Variants in CPA4 observed in about 807,000 individuals in gnomAD.
CPA4 encodes carboxypeptidase A4.
CPA4 carries 49 observed loss-of-function variants against 54.7 expected under a neutral mutation model. That is an observed-to-expected ratio of 0.90 (90% CI 0.71 to 1.14). The LOEUF is 1.14. Ranked by LOEUF, CPA4 falls within the 50% of genes most tolerant of loss-of-function variation. The pLI is 0.00. For synonymous variants in CPA4, 215 were observed against 206.8 expected (o/e 1.04, Z -0.34); for missense variants, 487 against 525.1 (o/e 0.93, Z 0.71).
chr7:130,297,505 C>T lies in CPA4; in HGVS notation c.69-1241C>T, dbSNP rs536384359. ...GTTGGGAGAAAGGGAACCTTCAGCA[C>T]TGTCATCTCCTCCAGACCAGCCACC... On this transcript the variant is annotated intron_variant, in intron 1 of 10. Coordinates refer to ENST00000222482, the MANE Select transcript of CPA4 (RefSeq NM_016352.4). Among the ~76,000 whole-genome samples, 164 of 152,302 alleles carry T rather than the reference C, an allele frequency of 1.1e-3. 1 individual carries two copies. The highest frequency in any genetic ancestry group is 3.4e-3 in the Middle Eastern group (1 of 294).
At chr7:130,315,976 T>C (rs1793981707) in intron 10 of CPA4, among the ~76,000 whole-genome samples, 1 of 152,174 alleles carries the variant, frequency 6.6e-6, no homozygotes, top group Non-Finnish European at 1.5e-5. Flanking sequence ...TTTTCAGGGT[T>C]AGGTGGGACT....
rs113429840 is a variant in CPA4 at position 130,317,599 on chromosome 7, T to A, written c.1079-4890T>A. 5.7e-3 allele frequency among the ~76,000 whole-genome samples: 862 copies of A among 152,258 alleles called. 8 individuals carry two copies. Among genetic ancestry groups the A allele is most frequent in the African/African-American group, 0.02 (821 of 41,546 alleles). On this transcript the variant is annotated intron_variant, in intron 10 of 10. Transcript: ENST00000222482. Reference sequence around the variant, plus strand: ...CCACTTCAGCCTCCTGAGTAGCTGGTAGTACAGGCATACACCAACATGCCC... The same window carrying A: ...CCACTTCAGCCTCCTGAGTAGCTGGAAGTACAGGCATACACCAACATGCCC...
chr7:130,323,915 GTGTGTGTGTGTGTGTGTGTGTT>G lies in CPA4; in HGVS notation c.*1253_*1274del, dbSNP rs1477431828. The G allele has an allele frequency of 1.3e-5, 2 of 152,352 alleles. No homozygotes were observed. The highest frequency in any genetic ancestry group is 2.9e-5 in the Non-Finnish European group (2 of 68,588). The allele number at this position is 152,352 out of a possible 1,614,324, so 9.4% of individuals were successfully genotyped here. ...CTGGTTTGTGTGTGTGTGTGTGTGT[GTGTGTGTGTGTGTGTGTGTGTT>G]TGTGTGTGTGTGTCTGTCTATTTTG... On this transcript the variant is annotated 3_prime_UTR_variant, in exon 11 of 11. Transcript: ENST00000222482.
chr7:130,297,650 G>A (rs372088357), intron 1 of CPA4, among the ~76,000 whole-genome samples: 10 of 152,158 alleles, frequency 6.6e-5, no homozygotes, highest in East Asian at 3.8e-4. Flanking sequence ...GGATGAAACC[G>A]GTTTTCTGAT....
In CPA4 at chr7:130,301,011, T is replaced by C. The variant is rs558329291; in HGVS notation, c.384+97T>C. On this transcript the variant is annotated intron_variant, in intron 4 of 10. Coordinates refer to ENST00000222482, the MANE Select transcript of CPA4 (RefSeq NM_016352.4). The stretch of plus-strand genomic sequence containing the variant: ...CAGGAGACATTAGTCTTCAGCACAA[T>C]ATCCCCTCACTGAGGGGCTAAAATG... 8.3e-4 allele frequency: 643 copies of C among 776,328 alleles called. 7 individuals are homozygous for C. Among genetic ancestry groups the C allele is most frequent in the Admixed American group, 4.5e-4 (22 of 48,670 alleles). The allele number at this position is 776,328 out of a possible 1,614,324, so 48.1% of individuals were successfully genotyped here.
chr7:130,311,015 T>C, intron 9 of CPA4, 29 bp downstream of exon 9: 1 of 1,598,650 alleles, frequency 6.3e-7, no homozygotes, highest in African/African-American at 1.3e-5. Context: ...CCACCCAGCC[T>C]GGGGCCCGCC....
At chr7:130,306,021 A>G (rs752100399) in intron 6 of CPA4, 101 bp downstream of exon 6, 263 of 929,006 alleles carry the variant, frequency 2.8e-4, no homozygotes, top group Non-Finnish European at 4.1e-4. Context: ...AGGGTTCTCT[A>G]CTAAGACCCA....
intron 10 of CPA4, among the ~76,000 whole-genome samples, chr7:130,312,783 G>T: frequency 6.6e-6 from 1 of 152,216 alleles, no homozygotes; most frequent in Non-Finnish European, 1.5e-5. Context: ...AGAGACTAAG[G>T]GTATTTAAGG....
intron 10 of CPA4, among the ~76,000 whole-genome samples, chr7:130,314,512 TAAGCTGAGGAAGACAGCGA>T (rs1793960116): frequency 1.3e-5 from 2 of 152,214 alleles, no homozygotes; most frequent in Non-Finnish European, 2.9e-5. Context: ...AAGAGCTGCG[TAAGCTGAGGAAGACAGCGA>T]TAAGCACATT....
At chr7:130,318,048 T>C (rs1286470526) in intron 10 of CPA4, among the ~76,000 whole-genome samples, 2 of 152,200 alleles carry the variant, frequency 1.3e-5, no homozygotes, top group African/African-American at 4.8e-5. Context: ...AACAATCCAT[T>C]AATAATTCAT....
At position 130,305,895 on chromosome 7, in the gene CPA4, C is replaced by G; in HGVS notation, c.566C>G (p.Ala189Gly). 6.2e-7 allele frequency: 1 copy of G among 1,613,938 alleles called. No homozygotes were observed. Among genetic ancestry groups the G allele is most frequent in the Non-Finnish European group, 8.5e-7 (1 of 1,179,862 alleles). ...CATTCCCGAGAGTGGATCTCCCAGGCCACTGCAATCTGGACGGCAAGGAAG... is the reference window on the plus strand; with the variant it reads ...CATTCCCGAGAGTGGATCTCCCAGGGCACTGCAATCTGGACGGCAAGGAAG... ...GIHSREWISQATAIWTARKIV... is the reference protein window; with the variant it reads ...GIHSREWISQGTAIWTARKIV... The change falls in exon 6 of 11, where the codon GCC becomes GGC. Residue 189 changes from alanine (A) to glycine (G), a missense_variant. Physicochemically the swap from Ala to Gly is moderately conservative, Grantham distance 60. Transcript: ENST00000222482.
intron 1 of CPA4, among the ~76,000 whole-genome samples, chr7:130,296,679 C>CTTTTT (rs369325885): frequency 0.41 from 29,383 of 72,242 alleles, 8,144 homozygotes; most frequent in East Asian, 0.6. Flanking sequence ...GCTCCCCTCA[C>CTTTTT]TTTTTTTTTT....
In CPA4 at chr7:130,322,650, G is replaced by A. The variant is rs748012321; in HGVS notation, c.1240G>A (p.Glu414Lys). ...GTGGCTGGGGCTGAAGACCATCATG[G>A]AGCATGTGCGGGACAACCTCTACTA... is the stretch of plus-strand genomic sequence containing the variant. Reference protein sequence around the residue: ...ETWLGLKTIMEHVRDNLY With the variant: ...ETWLGLKTIMKHVRDNLY Residue 414 changes from glutamate (E) to lysine (K), a missense_variant, in exon 11 of 11, where the codon GAG (glutamate) becomes AAG (lysine). Transcript: ENST00000222482. The A allele has an allele frequency of 7.1e-5, 114 of 1,613,936 alleles. No homozygotes were observed. Among genetic ancestry groups the A allele is most frequent in the Non-Finnish European group, 9.6e-5 (113 of 1,179,972 alleles).
chr7:130,305,543 C>T (rs901716651), intron 5 of CPA4, among the ~76,000 whole-genome samples: 1 of 152,148 alleles, frequency 6.6e-6, no homozygotes, highest in South Asian at 2.1e-4. Context: ...CTAATGGCAC[C>T]GGCATCATAA....
At chr7:130,317,124 A>G (rs887974922) in intron 10 of CPA4, among the ~76,000 whole-genome samples, 8 of 152,188 alleles carry the variant, frequency 5.3e-5, no homozygotes, top group African/African-American at 1.9e-4. Context: ...GGCTCAAGCA[A>G]TCCTCTCTTG....
intron 1 of CPA4, among the ~76,000 whole-genome samples, chr7:130,295,364 C>T (rs1054715750): frequency 2.6e-5 from 4 of 152,134 alleles, no homozygotes; most frequent in East Asian, 1.9e-4. Context: ...AGCAGCTGGA[C>T]GCCCTGTCTA....
chr7:130,314,842 A>C (rs776883556), intron 10 of CPA4, among the ~76,000 whole-genome samples: 6 of 152,084 alleles, frequency 3.9e-5, no homozygotes, highest in Non-Finnish European at 8.8e-5. Context: ...GGAAGCGACG[A>C]AAGTTTGGGA....
rs1449624745 is a variant in CPA4 at position 130,323,342 on chromosome 7, C to CT, written c.*668dup. On this transcript the variant is annotated 3_prime_UTR_variant, in exon 11 of 11. Transcript: ENST00000222482. ...TCAAGCAATTCTCCTGCCTCAGCCTCTTGAGTAGCTTGGTTTATAGGCGCA... is the reference window on the plus strand; with the variant it reads ...TCAAGCAATTCTCCTGCCTCAGCCTCTTTGAGTAGCTTGGTTTATAGGCGCA... 14 of 152,232 alleles carry CT rather than the reference C, an allele frequency of 9.2e-5. No individual in the cohort carries two copies. The highest frequency in any genetic ancestry group is 9.2e-4 in the Admixed American group (14 of 15,270). 9.4% of individuals were successfully genotyped at this position (152,232 alleles called of 1,614,324 possible).
In CPA4 at chr7:130,304,579, G is replaced by C. The variant is rs1562929471; in HGVS notation, c.486G>C (p.Lys162Asn). Residue 162 changes from lysine to asparagine, a missense_variant and splice_region_variant, in exon 5 of 11, where the codon AAG becomes AAC. By Grantham distance (94) the Lys-to-Asn change is moderately conservative. Transcript: ENST00000222482. The stretch of plus-strand genomic sequence containing the variant: ...AAAACCGGCCGATGTATGTACTGAA[G>C]GTGAGGCCACATGCACTTGGAAGGG... ...SFENRPMYVL[K>N]FSTGKGVRRP... 2 of 1,590,412 alleles carry C rather than the reference G, an allele frequency of 1.3e-6. No homozygotes were observed. The highest frequency in any genetic ancestry group is 2.2e-5 in the South Asian group (2 of 90,654).
Sources: gnomAD v4.1 joint callset for allele counts (sites outside exome capture counted in the v4.1 genomes callset) on GRCh38, gnomAD v4.1.1 for gene constraint, MANE v1.5 for transcripts, NCBI Gene and HGNC (gene_info 2026-07-23, HGNC 2026-07-21) for gene names.